Variants in RNF180 observed in about 807,000 individuals in gnomAD.
The protein encoded by RNF180 is E3 ubiquitin-protein ligase RNF180.
In RNF180, 38 loss-of-function variants were observed where a neutral mutation model predicts 59.2. That is an observed-to-expected ratio of 0.64 (90% confidence interval 0.50 to 0.84). RNF180 has a LOEUF of 0.84. Among genes scored for constraint, RNF180 ranks in the 40% least tolerant of loss-of-function variants. The pLI is 0.00. For synonymous variants in RNF180, 262 were observed against 240.3 expected (o/e 1.09, Z -0.84); for missense variants, 705 against 700.9 (o/e 1.01, Z -0.07).
At chr5:64,327,904 C>G (rs950459276) in intron 6 of RNF180, among the ~76,000 whole-genome samples, 2 of 152,184 alleles carry the variant, frequency 1.3e-5, no homozygotes. Flanking sequence ...CTATCTCTCT[C>G]TCTTTAGATC....
At chr5:64,349,191 A>G in intron 7 of RNF180, among the ~76,000 whole-genome samples, 1 of 152,096 alleles carries the variant, frequency 6.6e-6, no homozygotes, top group East Asian at 1.9e-4. Context: ...GTCCCCTTAT[A>G]TTTCCAAATG....
chr5:64,166,149 C>CG (rs1561159524), intron 1 of RNF180, 196 bp downstream of exon 1: 4 of 152,164 alleles, frequency 2.6e-5, no homozygotes, highest in African/African-American at 9.7e-5. Flanking sequence ...GTGACGCGGC[C>CG]GCGGCTTAAC....
chr5:64,286,151 G>A (rs992425363), intron 5 of RNF180, among the ~76,000 whole-genome samples: 1 of 152,144 alleles, frequency 6.6e-6, no homozygotes, highest in African/African-American at 2.4e-5. Context: ...TAATCTGGAA[G>A]GTTTTGTATG....
chr5:64,279,024 A>G (rs1277725598), intron 5 of RNF180, among the ~76,000 whole-genome samples: 1 of 152,174 alleles, frequency 6.6e-6, no homozygotes, highest in Non-Finnish European at 1.5e-5. Flanking sequence ...GGTTGAAACC[A>G]TAGTAATTAA....
At chr5:64,322,943 G>A (rs913864465) in intron 5 of RNF180, among the ~76,000 whole-genome samples, 1 of 151,958 alleles carries the variant, frequency 6.6e-6, no homozygotes, top group African/African-American at 2.4e-5. Flanking sequence ...ACTTATTCAT[G>A]TAACCAAAAC....
intron 5 of RNF180, among the ~76,000 whole-genome samples, chr5:64,227,246 G>A (rs1201735493): frequency 1.3e-5 from 2 of 152,154 alleles, no homozygotes; most frequent in African/African-American, 4.8e-5. Context: ...ACTTGGAGGA[G>A]ACCAGGGGCT....
chr5:64,172,446 A>G (rs566883073), intron 1 of RNF180, among the ~76,000 whole-genome samples: 7 of 151,938 alleles, frequency 4.6e-5, no homozygotes, highest in Admixed American at 6.6e-5. Flanking sequence ...GGATGCTAAG[A>G]GTAAAGATTT....
At chr5:64,321,527 TAAG>T (rs1744347585) in intron 5 of RNF180, among the ~76,000 whole-genome samples, 2 of 152,006 alleles carry the variant, frequency 1.3e-5, no homozygotes, top group South Asian at 2.1e-4. Flanking sequence ...AGGACACAAA[TAAG>T]TAGAAAAACG....
rs1229282890 is a variant in RNF180, at chr5:64,214,491, A to G, written c.1165A>G (p.Arg389Gly). ...GAAGAATCTAAGAAGGAAACAACGA[A>G]GGCGTGAAAGATGGCTACAGAAGCA... Reference protein sequence around the residue: ...KLKNLRRKQRRRERWLQKQGK... With the variant: ...KLKNLRRKQRGRERWLQKQGK... The change falls in exon 4 of 8, where the codon AGG (arginine) becomes GGG (glycine). Residue 389 changes from arginine to glycine, a missense_variant. Transcript: ENST00000389100. The G allele has an allele frequency of 6.2e-7, 1 of 1,613,442 alleles. No homozygotes were observed. The highest frequency in any genetic ancestry group is 8.5e-7 in the Non-Finnish European group (1 of 1,179,598).
At chr5:64,245,560 G>A (rs966862567) in intron 5 of RNF180, among the ~76,000 whole-genome samples, 1 of 152,256 alleles carries the variant, frequency 6.6e-6, no homozygotes, top group African/African-American at 2.4e-5. Flanking sequence ...GCAACAAGAA[G>A]AGCTAACTAT....
At chr5:64,208,634 T>C (rs1752147846) in intron 2 of RNF180, among the ~76,000 whole-genome samples, 1 of 152,054 alleles carries the variant, frequency 6.6e-6, no homozygotes, top group Non-Finnish European at 1.5e-5. Flanking sequence ...TAAATACAGG[T>C]GAAAGTAGTT....
rs1751707882 is a variant in RNF180 at position 64,200,881 on chromosome 5, G to A, written c.74G>A (p.Cys25Tyr). Reference sequence around the variant, plus strand: ...ACAAGTATTCTTCGTTGTTGGAAATGTAGAAAATGTATAGCAAGCTCTGGT... The same window carrying A: ...ACAAGTATTCTTCGTTGTTGGAAATATAGAAAATGTATAGCAAGCTCTGGT... ...EETSILRCWK[C>Y]RKCIASSGCF... is the part of the protein sequence containing the mutation. Residue 25 changes from cysteine to tyrosine, a missense_variant, in exon 2 of 8, where the codon TGT (cysteine) becomes TAT (tyrosine). Physicochemically the swap from Cys to Tyr is radical, Grantham distance 194 (BLOSUM62 -2). Coordinates refer to ENST00000389100, the MANE Select transcript of RNF180 (RefSeq NM_001113561.2). 1 of 1,613,034 alleles carries A rather than the reference G, an allele frequency of 6.2e-7. No homozygotes were observed. The highest frequency in any genetic ancestry group is 8.5e-7 in the Non-Finnish European group (1 of 1,179,060).
intron 5 of RNF180, among the ~76,000 whole-genome samples, chr5:64,317,649 C>CAG (rs1744126167): frequency 6.9e-6 from 1 of 144,252 alleles, no homozygotes; most frequent in African/African-American, 2.6e-5. Context: ...CACACACACA[C>CAG]AGTAGTCCTG....
chr5:64,306,003 T>C (rs1580217131), intron 5 of RNF180, among the ~76,000 whole-genome samples: 1 of 151,678 alleles, frequency 6.6e-6, no homozygotes. Context: ...TAGCTTGATA[T>C]CAATGGAGTG....
intron 1 of RNF180, among the ~76,000 whole-genome samples, chr5:64,180,971 C>G (rs549889787): frequency 6.6e-6 from 1 of 152,304 alleles, no homozygotes; most frequent in South Asian, 2.1e-4. Context: ...AACAATGCAG[C>G]CTTCAGTCTG....
intron 5 of RNF180, among the ~76,000 whole-genome samples, chr5:64,229,927 A>G (rs1370457275): frequency 2.0e-5 from 3 of 152,230 alleles, no homozygotes; most frequent in African/African-American, 7.2e-5. Flanking sequence ...ATTCTTCAAT[A>G]AAAGTGATTG....
At chr5:64,278,852 TCAAACTGTCTTCCTGCCTTGACCTCC>T (rs1741858764) in intron 5 of RNF180, among the ~76,000 whole-genome samples, 1 of 152,286 alleles carries the variant, frequency 6.6e-6, no homozygotes, top group East Asian at 1.9e-4. Context: ...ACTCCTGGCC[TCAAACTGTCTTCCTGCCTTGACCTCC>T]CAAAGTGCTG....
At position 64,369,676 on chromosome 5, in the gene RNF180, G is replaced by A; in HGVS notation, c.1641G>A (p.Met547Ile). The change falls in exon 8 of 8, where the codon ATG (methionine) becomes ATA (isoleucine). Residue 547 changes from methionine to isoleucine, a missense_variant. Physicochemically the swap from Met to Ile is conservative, Grantham distance 10. Transcript: ENST00000389100. Reference sequence around the variant, plus strand: ...AGTTCCCACACGGTGCACACAGGATGGATTACCTGCACTTTGAGGATGATA... The same window carrying A: ...AGTTCCCACACGGTGCACACAGGATAGATTACCTGCACTTTGAGGATGATA... The part of the protein sequence containing the change: ...RRQFPHGAHR[M>I]DYLHFEDDSR... The A allele has an allele frequency of 6.5e-7, 1 of 1,547,148 alleles. No homozygotes were observed. The highest frequency in any genetic ancestry group is 8.7e-7 in the Non-Finnish European group (1 of 1,144,950).
At chr5:64,179,779 G>GC (rs1312422202) in intron 1 of RNF180, among the ~76,000 whole-genome samples, 1 of 152,064 alleles carries the variant, frequency 6.6e-6, no homozygotes, top group African/African-American at 2.4e-5. Context: ...CACATCCATG[G>GC]ATAGACATAT....
Sources: allele counts gnomAD v4.1 joint callset (sites outside exome capture counted in the v4.1 genomes callset), GRCh38; gene constraint gnomAD v4.1.1; transcripts MANE v1.5; gene names NCBI Gene and HGNC (gene_info 2026-07-23, HGNC 2026-07-21).